The following CRY1 variants were observed in gnomAD, a reference collection of about 807,000 sequenced individuals.
CRY1 encodes cryptochrome circadian regulator 1.
CRY1 carries 45 observed loss-of-function variants against 76.0 expected under a neutral mutation model. The observed-to-expected ratio is 0.59, with a 90% CI of 0.47 to 0.76. The LOEUF (loss-of-function observed/expected upper bound fraction) is 0.76. Ranked by LOEUF, CRY1 falls within the 30% of genes least tolerant of loss-of-function variation. CRY1 has a pLI of 0.00. For synonymous variants in CRY1, 248 were observed against 244.0 expected, an observed-to-expected ratio of 1.02 and a Z score of -0.15; for missense variants, 587 against 716.4, an observed-to-expected ratio of 0.82 and a Z score of 2.06.
intron 1 of CRY1, among the ~76,000 whole-genome samples, chr12:107,062,659 T>G (rs1157577477): frequency 6.6e-6 from 1 of 152,188 alleles, no homozygotes; most frequent in Non-Finnish European, 1.5e-5. Context: ...ATACCTCATT[T>G]CTACAATGCA....
At chr12:107,092,405 T>G (rs1953482960) in intron 1 of CRY1, among the ~76,000 whole-genome samples, 1 of 152,182 alleles carries the variant, frequency 6.6e-6, no homozygotes, top group Non-Finnish European at 1.5e-5. Context: ...CTCCATACTA[T>G]GAGTTACCTA....
chr12:107,025,149 A>G (rs901417386), intron 1 of CRY1, among the ~76,000 whole-genome samples: 2 of 152,222 alleles, frequency 1.3e-5, no homozygotes, highest in Non-Finnish European at 2.9e-5. Flanking sequence ...TCTCCCCGTT[A>G]GGGAGTGGGG....
At position 107,084,822 on chromosome 12, in the gene CRY1, G is replaced by T. The variant is rs141211762; in HGVS notation, c.158+7982C>A. Among the ~76,000 whole-genome samples the T allele has an allele frequency of 2.0e-3, 301 of 152,238 alleles. 1 individual carries two copies. Among genetic ancestry groups the T allele is most frequent in the African/African-American group, 6.6e-3 (276 of 41,534 alleles). ...GCAACAAAAGCCAAACTTGACAAAT[G>T]GGATCTAATTAAACTAAAGAGTTTC... On this transcript the variant is annotated intron_variant, in intron 1 of 12. Transcript: ENST00000008527.
At chr12:107,049,447 T>C (rs1952891061) in intron 1 of CRY1, among the ~76,000 whole-genome samples, 1 of 152,178 alleles carries the variant, frequency 6.6e-6, no homozygotes, top group Non-Finnish European at 1.5e-5. Context: ...CGATCTTGGC[T>C]CACTGCAGCC....
At chr12:107,057,661 C>A (rs556239741) in intron 1 of CRY1, among the ~76,000 whole-genome samples, 1 of 151,908 alleles carries the variant, frequency 6.6e-6, no homozygotes, top group Non-Finnish European at 1.5e-5. Context: ...AGTCCAGGAG[C>A]TGGGGGCCAC....
chr12:107,029,850 A>G (rs902341504), intron 1 of CRY1, among the ~76,000 whole-genome samples: 3 of 152,212 alleles, frequency 2.0e-5, no homozygotes, highest in African/African-American at 7.2e-5. Flanking sequence ...TAAAACATAT[A>G]AAATACAAAT....
In CRY1 at chr12:107,071,635, A is replaced by C. The variant is rs143295043; in HGVS notation, c.158+21169T>G. On this transcript the variant is annotated intron_variant, in intron 1 of 12. Coordinates refer to ENST00000008527, the MANE Select transcript of CRY1 (RefSeq NM_004075.5). ...TTTGACAATATTCTTTATTCCTTCC[A>C]TAGGAGTTATGCTTTGAAAAGATCA... Among the ~76,000 whole-genome samples, 1,268 of 152,280 alleles carry C rather than the reference A, an allele frequency of 8.3e-3. 15 individuals carry two copies. The highest frequency in any genetic ancestry group is 0.029 in the African/African-American group (1,190 of 41,562).
intron 2 of CRY1, among the ~76,000 whole-genome samples, chr12:107,006,188 C>G (rs921008243): frequency 1.3e-5 from 2 of 151,870 alleles, no homozygotes; most frequent in African/African-American, 4.8e-5. Context: ...GAGTTCAAGA[C>G]CAGCCTGGCC....
chr12:107,023,114 CGT>C (rs1275424126), intron 1 of CRY1, among the ~76,000 whole-genome samples: 1 of 152,136 alleles, frequency 6.6e-6, no homozygotes, highest in Non-Finnish European at 1.5e-5. Flanking sequence ...TTCAGCTGGA[CGT>C]ATCTTATTTC....
chr12:107,092,779 C>T, intron 1 of CRY1, 25 bp downstream of exon 1: 1 of 1,610,296 alleles, frequency 6.2e-7, no homozygotes. Context: ...CACCCAAATC[C>T]ATTTCCCACG....
At chr12:107,023,169 T>C (rs1329089237) in intron 1 of CRY1, among the ~76,000 whole-genome samples, 3 of 152,210 alleles carry the variant, frequency 2.0e-5, no homozygotes, top group African/African-American at 7.2e-5. Flanking sequence ...GGTTAAGTAT[T>C]TGTCTGCCTT....
chr12:107,003,772 T>C (rs1952338638), intron 3 of CRY1, among the ~76,000 whole-genome samples: 1 of 151,876 alleles, frequency 6.6e-6, no homozygotes, highest in South Asian at 2.1e-4. Flanking sequence ...AGATTACATA[T>C]AGTAAATATT....
chr12:107,008,066 T>C (rs1250481921), intron 2 of CRY1, among the ~76,000 whole-genome samples: 3 of 152,210 alleles, frequency 2.0e-5, no homozygotes, highest in African/African-American at 7.2e-5. Context: ...CAGATTTACC[T>C]ACTCAATCAT....
chr12:107,072,183 A>T (rs1172931795), intron 1 of CRY1, among the ~76,000 whole-genome samples: 1 of 41,436 alleles, frequency 2.4e-5, no homozygotes, highest in Non-Finnish European at 7.7e-5. Flanking sequence ...CCACCTTTCT[A>T]TGCAAAGATA....
chr12:107,026,730 T>C (rs1010384799), intron 1 of CRY1, among the ~76,000 whole-genome samples: 1 of 151,166 alleles, frequency 6.6e-6, no homozygotes, highest in African/African-American at 2.4e-5. Flanking sequence ...TAGATATGTA[T>C]CAAACAGAAG....
At chr12:107,049,378 T>G (rs554217046) in intron 1 of CRY1, among the ~76,000 whole-genome samples, 12 of 152,162 alleles carry the variant, frequency 7.9e-5, no homozygotes, top group Non-Finnish European at 1.5e-4. Flanking sequence ...TTACTATCTT[T>G]TTTTTGTTTG....
intron 1 of CRY1, among the ~76,000 whole-genome samples, chr12:107,028,791 C>T (rs747965384): frequency 4.6e-5 from 7 of 152,204 alleles, no homozygotes; most frequent in South Asian, 4.2e-4. Flanking sequence ...ACATCATACA[C>T]CATGAGTGAT....
chr12:107,017,973 C>T (rs1039729193), intron 2 of CRY1, among the ~76,000 whole-genome samples: 8 of 152,196 alleles, frequency 5.3e-5, no homozygotes, highest in Non-Finnish European at 1.0e-4. Context: ...TATTTGTTTA[C>T]TATCTGTCTC....
rs1953497950 is a variant in CRY1, at chr12:107,093,198, T to C, written c.-237A>G. 2 of 463,034 alleles carry C rather than the reference T, an allele frequency of 4.3e-6. No individual in the cohort carries two copies. The highest frequency in any genetic ancestry group is 7.4e-6 in the Non-Finnish European group (2 of 269,152). The allele number at this position is 463,034 out of a possible 1,614,324, so 28.7% of individuals were successfully genotyped here. ...GGCGGAGTCCGGGTGTGACGCCCTTTAGGAGCCCGCGCCCGCCGCAACCGC... is the reference window on the plus strand; with the variant it reads ...GGCGGAGTCCGGGTGTGACGCCCTTCAGGAGCCCGCGCCCGCCGCAACCGC... On this transcript the variant is annotated 5_prime_UTR_variant, in exon 1 of 13. The change abolishes the stop of an existing upstream ORF in the 5' untranslated region. Transcript: ENST00000008527.
Sources: gnomAD v4.1 joint callset for allele counts (sites outside exome capture counted in the v4.1 genomes callset) on GRCh38, gnomAD v4.1.1 for gene constraint, MANE v1.5 for transcripts, NCBI Gene and HGNC (gene_info 2026-07-23, HGNC 2026-07-21) for gene names.